MOB1A: variants seen among roughly 807,000 people sequenced by gnomAD.
The protein encoded by MOB1A is MOB kinase activator 1A, also known as MOB1 Mps One Binder homolog A.
MOB1A carries 10 observed loss-of-function variants against 25.1 expected under a neutral mutation model. The ratio of observed to expected loss-of-function variants is 0.40; its 90% CI spans 0.25 to 0.68. The LOEUF (loss-of-function observed/expected upper bound fraction) is 0.68. Ranked by LOEUF, MOB1A falls within the 30% of genes least tolerant of loss-of-function variation. MOB1A has a pLI of 0.40. For missense variants in MOB1A, 177 were observed against 256.3 expected (o/e 0.69, Z 2.11); for synonymous variants, 81 against 79.5 (o/e 1.02, Z -0.10).
In MOB1A at chr2:74,169,724, G is replaced by A. The variant is rs571928856; in HGVS notation, c.182-2617C>T. Among the ~76,000 whole-genome samples the A allele has an allele frequency of 9.2e-5, 14 of 151,932 alleles. No individual in the cohort carries two copies. The East Asian group carries it at 2.7e-3, about 30-fold the overall frequency. On this transcript the variant is annotated intron_variant, in intron 2 of 5. Coordinates refer to ENST00000396049, the MANE Select transcript of MOB1A (RefSeq NM_018221.5). ...GCTCACTGCAACCCCCGTCTCCCAGGTTCAAGCAATTCTCCTGCCTCAGCC... is the reference window on the plus strand; with the variant it reads ...GCTCACTGCAACCCCCGTCTCCCAGATTCAAGCAATTCTCCTGCCTCAGCC...
intron 1 of MOB1A, among the ~76,000 whole-genome samples, chr2:74,175,383 C>T (rs1289783620): frequency 6.6e-6 from 1 of 152,184 alleles, no homozygotes; most frequent in South Asian, 2.1e-4. Flanking sequence ...GAAACCATCT[C>T]CCCAACCAGA....
chr2:74,160,111 G>A (rs1692924444), intron 4 of MOB1A, among the ~76,000 whole-genome samples: 1 of 152,118 alleles, frequency 6.6e-6, no homozygotes, highest in Admixed American at 6.6e-5. Flanking sequence ...ATATTAGAGA[G>A]TTTCTTTCTG....
intron 2 of MOB1A, among the ~76,000 whole-genome samples, chr2:74,168,664 C>T (rs1304199411): frequency 6.6e-6 from 1 of 152,080 alleles, no homozygotes; most frequent in Middle Eastern, 3.2e-3. Context: ...GTTTTAGTCT[C>T]CTGTCTAAAG....
chr2:74,156,793 T>C, intron 5 of MOB1A, 148 bp from the exon 6 acceptor site: 2 of 630,734 alleles, frequency 3.2e-6, no homozygotes, highest in South Asian at 4.0e-5. Context: ...AGTAGGCATT[T>C]ATTCTTTTTC....
chr2:74,173,699 C>G (rs1310320713), intron 1 of MOB1A, among the ~76,000 whole-genome samples: 1 of 151,166 alleles, frequency 6.6e-6, no homozygotes, highest in Non-Finnish European at 1.5e-5. Flanking sequence ...GCCTGTAATC[C>G]CAGCACTTTG....
chr2:74,163,229 G>A (rs1693024437), intron 4 of MOB1A, among the ~76,000 whole-genome samples: 1 of 152,134 alleles, frequency 6.6e-6, no homozygotes, highest in Admixed American at 6.6e-5. Context: ...GAAAGGAAGA[G>A]ACAAAATGAA....
intron 1 of MOB1A, among the ~76,000 whole-genome samples, chr2:74,176,741 G>A (rs563486837): frequency 2.5e-4 from 38 of 149,774 alleles, no homozygotes; most frequent in African/African-American, 8.7e-4. Context: ...TCCAGCCTGG[G>A]CGACAGAGCA....
At chr2:74,174,825 T>C (rs1693404030) in intron 1 of MOB1A, among the ~76,000 whole-genome samples, 2 of 152,190 alleles carry the variant, frequency 1.3e-5, no homozygotes. Flanking sequence ...AGGAATCCTT[T>C]AGAAAAATAG....
intron 4 of MOB1A, chr2:74,164,079 GA>G (rs1481098104): frequency 6.6e-6 from 1 of 152,152 alleles, no homozygotes; most frequent in Non-Finnish European, 1.5e-5. Flanking sequence ...AACAGATAAA[GA>G]GACTAAAACA....
At chr2:74,173,733 G>A (rs1240196741) in intron 1 of MOB1A, among the ~76,000 whole-genome samples, 1 of 149,386 alleles carries the variant, frequency 6.7e-6, no homozygotes, top group Admixed American at 6.6e-5. Flanking sequence ...GGTGGATCAC[G>A]AGGTCAGGAG....
At chr2:74,158,895 A>G (rs1286849290) in intron 5 of MOB1A, among the ~76,000 whole-genome samples, 196 bp downstream of exon 5, 1 of 152,206 alleles carries the variant, frequency 6.6e-6, no homozygotes, top group Non-Finnish European at 1.5e-5. Context: ...AGAAGGCCCA[A>G]ATGGGGGTGA....
chr2:74,160,507 C>A (rs1692937473), intron 4 of MOB1A, among the ~76,000 whole-genome samples: 2 of 152,004 alleles, frequency 1.3e-5, no homozygotes, highest in South Asian at 4.2e-4. Flanking sequence ...AAGAGACCAG[C>A]TTGGCCAACA....
intron 5 of MOB1A, among the ~76,000 whole-genome samples, chr2:74,157,027 T>A (rs1692825500): frequency 6.6e-6 from 1 of 151,452 alleles, no homozygotes; most frequent in Non-Finnish European, 1.5e-5. Flanking sequence ...AAAACCCTTG[T>A]TGGAATCACC....
chr2:74,173,211 C>T, intron 1 of MOB1A: 1 of 517,774 alleles, frequency 1.9e-6, no homozygotes, highest in Middle Eastern at 3.2e-4. Flanking sequence ...GCTTTTTTTC[C>T]CCTGCCTGTA....
intron 4 of MOB1A, 71 bp from the exon 5 acceptor site, chr2:74,159,325 G>T: frequency 7.2e-7 from 1 of 1,381,866 alleles, no homozygotes; most frequent in South Asian, 1.2e-5. Context: ...TTTGTGACAG[G>T]GTCTCACTTT....
intron 1 of MOB1A, among the ~76,000 whole-genome samples, chr2:74,176,504 C>A (rs530560300): frequency 1.2e-4 from 18 of 151,986 alleles, no homozygotes; most frequent in African/African-American, 4.1e-4. Flanking sequence ...GTGGCTCACG[C>A]GTGTAATCCC....
intron 2 of MOB1A, among the ~76,000 whole-genome samples, chr2:74,169,017 T>G (rs1391628808): frequency 6.6e-6 from 1 of 152,200 alleles, no homozygotes; most frequent in African/African-American, 2.4e-5. Flanking sequence ...CTCCATGATG[T>G]GTAATATCAC....
intron 2 of MOB1A, 41 bp from the exon 3 acceptor site, chr2:74,167,148 C>T (rs1486149146): frequency 6.6e-7 from 1 of 1,523,884 alleles, no homozygotes; most frequent in Non-Finnish European, 9.1e-7. Flanking sequence ...TCTGTGTAAA[C>T]ACAAAATATG....
At position 74,152,982 on chromosome 2, in the gene MOB1A, AAATATC is replaced by A. The variant is rs1202548118; in HGVS notation, c.*3580_*3585del. ...ATCCCCCAAGGCCTTTTACAGTCTG[AAATATC>A]AAAATTGAAAGCAAAAATAGGATGA... On this transcript the variant is annotated 3_prime_UTR_variant, in exon 6 of 6. Coordinates refer to ENST00000396049, the MANE Select transcript of MOB1A (RefSeq NM_018221.5). 6.6e-6 allele frequency: 1 copy of A among 152,238 alleles called. No individual in the cohort carries two copies. The highest frequency in any genetic ancestry group is 2.4e-5 in the African/African-American group (1 of 41,472). The allele number at this position is 152,238 out of a possible 1,614,324, so 9.4% of individuals were successfully genotyped here.
Sources: gnomAD v4.1 joint callset for allele counts (sites outside exome capture counted in the v4.1 genomes callset) on GRCh38, gnomAD v4.1.1 for gene constraint, MANE v1.5 for transcripts, NCBI Gene and HGNC (gene_info 2026-07-23, HGNC 2026-07-21) for gene names.